GRM8: variants seen among roughly 807,000 people sequenced by gnomAD.
GRM8 encodes glutamate metabotropic receptor 8.
Under a neutral mutation model 87.2 loss-of-function variants are expected in GRM8, and 47 were observed. The observed-to-expected ratio is 0.54, with a 90% confidence interval of 0.43 to 0.69. The LOEUF is 0.69. Ranked by LOEUF, GRM8 falls within the 30% of genes least tolerant of loss-of-function variation. The probability of loss-of-function intolerance (pLI) is 0.00; values close to 1 mark genes in which losing one functional copy is unlikely to be tolerated. For synonymous variants in GRM8, 396 were observed against 404.5 expected (o/e 0.98, Z 0.25); for missense variants, 1,019 against 1,139.2 (o/e 0.89, Z 1.52).
chr7:126,550,637 A>C, intron 8 of GRM8, among the ~76,000 whole-genome samples: 1 of 152,112 alleles, frequency 6.6e-6, no homozygotes, highest in East Asian at 1.9e-4. Context: ...ATAATGAGAA[A>C]GCTGCATCAA....
chr7:126,565,577 T>C (rs1369218535), intron 8 of GRM8, among the ~76,000 whole-genome samples: 1 of 152,148 alleles, frequency 6.6e-6, no homozygotes, highest in Non-Finnish European at 1.5e-5. Context: ...CCTGTATTTA[T>C]GGATTAGAAG....
chr7:126,493,876 G>C (rs1400417634), intron 9 of GRM8, among the ~76,000 whole-genome samples: 1 of 152,044 alleles, frequency 6.6e-6, no homozygotes, highest in Non-Finnish European at 1.5e-5. Context: ...AAAGGCACTA[G>C]GAATGCGTAA....
chr7:127,091,692 C>G (rs558171952), intron 3 of GRM8, among the ~76,000 whole-genome samples: 1 of 134,312 alleles, frequency 7.4e-6, no homozygotes, highest in South Asian at 2.8e-4. Flanking sequence ...TCCCACTGAT[C>G]CTCTGATGAC....
chr7:126,890,193 C>G (rs1325927464), intron 6 of GRM8, among the ~76,000 whole-genome samples: 1 of 152,114 alleles, frequency 6.6e-6, no homozygotes, highest in Non-Finnish European at 1.5e-5. Flanking sequence ...GAAAAACCTT[C>G]TTCACCTCAG....
At chr7:127,126,175 CAT>C (rs1411097414) in intron 2 of GRM8, among the ~76,000 whole-genome samples, 1 of 152,008 alleles carries the variant, frequency 6.6e-6, no homozygotes, top group Non-Finnish European at 1.5e-5. Context: ...TACCTGTACT[CAT>C]ATGTTTATCA....
At chr7:127,168,650 C>A (rs1793596694) in intron 2 of GRM8, among the ~76,000 whole-genome samples, 1 of 152,146 alleles carries the variant, frequency 6.6e-6, no homozygotes, top group African/African-American at 2.4e-5. Flanking sequence ...AAATGTGACA[C>A]ATATACACCA....
chr7:126,468,858 C>T (rs369250726), intron 9 of GRM8, among the ~76,000 whole-genome samples: 2 of 152,200 alleles, frequency 1.3e-5, no homozygotes, highest in South Asian at 2.1e-4. Context: ...CTCTTCAATC[C>T]TACCTTTCAA....
intron 2 of GRM8, among the ~76,000 whole-genome samples, chr7:127,216,597 A>C (rs1796568364): frequency 6.6e-6 from 1 of 151,766 alleles, no homozygotes; most frequent in African/African-American, 2.4e-5. Context: ...GTTAAAATAC[A>C]AACCCCACTA....
intron 6 of GRM8, among the ~76,000 whole-genome samples, chr7:126,862,257 G>A (rs1358453427): frequency 6.6e-6 from 1 of 151,686 alleles, no homozygotes; most frequent in Non-Finnish European, 1.5e-5. Context: ...TTAATTTGAT[G>A]TTTTATATGG....
chr7:126,880,059 C>T (rs1015430318), intron 6 of GRM8, among the ~76,000 whole-genome samples: 2 of 152,158 alleles, frequency 1.3e-5, no homozygotes, highest in Non-Finnish European at 2.9e-5. Context: ...ATGCCAAAGC[C>T]TATGACCTTT....
At chr7:126,499,437 C>T (rs139968603) in intron 9 of GRM8, among the ~76,000 whole-genome samples, 1,817 of 150,604 alleles carry the variant, frequency 0.012, 21 homozygotes, top group Non-Finnish European at 0.018. Flanking sequence ...CTAGAATTAT[C>T]GTATGATCCA....
At chr7:126,802,058 T>C (rs1246088217) in intron 6 of GRM8, among the ~76,000 whole-genome samples, 1 of 152,186 alleles carries the variant, frequency 6.6e-6, no homozygotes, top group Admixed American at 6.5e-5. Flanking sequence ...CTTTTTAAAA[T>C]TAGCAAATAA....
chr7:127,096,444 C>T (rs2132968406), intron 3 of GRM8, among the ~76,000 whole-genome samples: 1 of 152,114 alleles, frequency 6.6e-6, no homozygotes, highest in South Asian at 2.1e-4. Flanking sequence ...CCTGTAATTC[C>T]AGCTACTCGG....
At chr7:126,900,450 G>A (rs562415446) in intron 6 of GRM8, among the ~76,000 whole-genome samples, 12 of 152,008 alleles carry the variant, frequency 7.9e-5, no homozygotes, top group African/African-American at 2.7e-4. Context: ...ATAACACTAC[G>A]TACCAAAGCG....
chr7:126,826,644 A>C lies in GRM8; in HGVS notation c.1157-56579T>G, dbSNP rs556528260. 5.9e-5 allele frequency among the ~76,000 whole-genome samples: 9 copies of C among 152,070 alleles called. No homozygotes were observed. In the East Asian group the frequency reaches 1.5e-3, roughly 26 times the overall value. On this transcript the variant is annotated intron_variant, in intron 6 of 10. Transcript: ENST00000339582. Reference sequence around the variant, plus strand: ...CTTTGTCAGATGAGTAGGTTGCGAAAATTTTCTCCCATTTTGTAGGTTGCC... The same window carrying C: ...CTTTGTCAGATGAGTAGGTTGCGAACATTTTCTCCCATTTTGTAGGTTGCC...
At chr7:126,582,240 T>C (rs778066196) in intron 8 of GRM8, among the ~76,000 whole-genome samples, 4 of 152,164 alleles carry the variant, frequency 2.6e-5, no homozygotes, top group Non-Finnish European at 2.9e-5. Context: ...ATTGCTGATA[T>C]GGAGAAAGTT....
chr7:126,649,216 T>C (rs537686041), intron 7 of GRM8, among the ~76,000 whole-genome samples: 41 of 152,292 alleles, frequency 2.7e-4, no homozygotes, highest in African/African-American at 9.6e-4. Flanking sequence ...TGGGTGGGTC[T>C]GTGAGGGTGT....
intron 6 of GRM8, among the ~76,000 whole-genome samples, chr7:126,814,761 A>AT (rs140715115): frequency 0.034 from 4,939 of 147,170 alleles, 246 homozygotes; most frequent in African/African-American, 0.11. Flanking sequence ...CCATTCTTAT[A>AT]TTTTTTTTTT....
At chr7:126,546,430 C>T (rs1003586471) in intron 8 of GRM8, among the ~76,000 whole-genome samples, 4 of 152,040 alleles carry the variant, frequency 2.6e-5, no homozygotes, top group Non-Finnish European at 5.9e-5. Flanking sequence ...AGGAACATCC[C>T]ATCCAGAAAA....
Sources: allele counts gnomAD v4.1 joint callset (sites outside exome capture counted in the v4.1 genomes callset), GRCh38; gene constraint gnomAD v4.1.1; transcripts MANE v1.5; gene names NCBI Gene and HGNC (gene_info 2026-07-23, HGNC 2026-07-21).